ADCY2: variants seen among roughly 807,000 people sequenced by gnomAD.
ADCY2 encodes the protein adenylate cyclase 2, also known as adenylate cyclase type 2.
ADCY2 carries 31 observed loss-of-function variants against 125.2 expected under a neutral mutation model. That is an observed-to-expected ratio of 0.25 (90% CI 0.19 to 0.33). The LOEUF (loss-of-function observed/expected upper bound fraction) is 0.33. Ranked by LOEUF, ADCY2 falls within the 10% of genes least tolerant of loss-of-function variation. The pLI, the probability that ADCY2 is intolerant of heterozygous loss-of-function variation, is 1.00. For synonymous variants in ADCY2, 512 were observed against 548.4 expected (o/e 0.93, Z 0.93); for missense variants, 904 against 1,418.2 (o/e 0.64, Z 5.82).
intron 23 of ADCY2, among the ~76,000 whole-genome samples, chr5:7,819,737 A>C (rs326162): frequency 0.11 from 16,356 of 152,220 alleles, 2,514 homozygotes; most frequent in African/African-American, 0.34. Context: ...GGGATAGCAA[A>C]GTGGAAGAAT....
chr5:7,466,228 C>T (rs1216676340), intron 2 of ADCY2, among the ~76,000 whole-genome samples: 1 of 152,158 alleles, frequency 6.6e-6, no homozygotes, highest in Non-Finnish European at 1.5e-5. Context: ...GTAAAATCCT[C>T]AAGATATGCC....
intron 2 of ADCY2, among the ~76,000 whole-genome samples, chr5:7,496,677 T>A (rs1337739875): frequency 1.3e-5 from 2 of 152,138 alleles, no homozygotes; most frequent in South Asian, 2.1e-4. Flanking sequence ...ATTTTAGTCA[T>A]TTTTAGTATT....
chr5:7,617,390 C>T (rs1476458067), intron 3 of ADCY2, among the ~76,000 whole-genome samples: 2 of 152,226 alleles, frequency 1.3e-5, no homozygotes, highest in Admixed American at 6.5e-5. Context: ...CTAACTACAA[C>T]TTGGCCTTGG....
chr5:7,777,868 C>G (rs1005200912), intron 18 of ADCY2, among the ~76,000 whole-genome samples: 4 of 152,194 alleles, frequency 2.6e-5, no homozygotes, highest in Admixed American at 6.5e-5. Flanking sequence ...AAAAAGACCA[C>G]TCAGAGAGAG....
chr5:7,548,119 C>A lies in ADCY2; in HGVS notation c.570+27220C>A, dbSNP rs150532431. Among the ~76,000 whole-genome samples, 188 of 152,274 alleles carry A rather than the reference C, an allele frequency of 1.2e-3. 1 individual carries two copies. The highest frequency in any genetic ancestry group is 4.3e-3 in the African/African-American group (179 of 41,562). ...TGAGCGGCATTTGTGAAACTGTTTT[C>A]TTTTCTGTATAGGGCCGAATTAAAC... is the stretch of plus-strand genomic sequence containing the variant. On this transcript the variant is annotated intron_variant, in intron 3 of 24. Coordinates refer to ENST00000338316, the MANE Select transcript of ADCY2 (RefSeq NM_020546.3).
chr5:7,612,979 G>T (rs557100849), intron 3 of ADCY2, among the ~76,000 whole-genome samples: 1 of 152,206 alleles, frequency 6.6e-6, no homozygotes, highest in African/African-American at 2.4e-5. Flanking sequence ...TTGCACCACT[G>T]CACTCCAGTC....
At chr5:7,610,819 G>T (rs1371239824) in intron 3 of ADCY2, among the ~76,000 whole-genome samples, 1 of 152,180 alleles carries the variant, frequency 6.6e-6, no homozygotes, top group Non-Finnish European at 1.5e-5. Flanking sequence ...CATTGAAGTG[G>T]AGTTAAAAAG....
chr5:7,706,632 C>T (rs1285261102), intron 7 of ADCY2, 112 bp from the exon 8 acceptor site: 3 of 1,290,428 alleles, frequency 2.3e-6, no homozygotes, highest in Admixed American at 1.8e-5. Flanking sequence ...GGTTTATGGT[C>T]ATTTCCGACA....
At chr5:7,551,866 C>T (rs576998420) in intron 3 of ADCY2, among the ~76,000 whole-genome samples, 1 of 152,288 alleles carries the variant, frequency 6.6e-6, no homozygotes, top group African/African-American at 2.4e-5. Flanking sequence ...TCACAGATGC[C>T]TTTGAAAGCC....
intron 4 of ADCY2, among the ~76,000 whole-genome samples, chr5:7,682,329 C>A (rs115935385): frequency 0.02 from 3,005 of 152,278 alleles, 99 homozygotes; most frequent in African/African-American, 0.068. Flanking sequence ...AGTCAACAAC[C>A]TTGAATGCTG....
At chr5:7,638,049 G>C (rs1738568737) in intron 4 of ADCY2, among the ~76,000 whole-genome samples, 1 of 152,230 alleles carries the variant, frequency 6.6e-6, no homozygotes, top group Admixed American at 6.5e-5. Context: ...TTAAACGTGA[G>C]AAAGCAGCAA....
chr5:7,765,316 A>T (rs1416895685), intron 16 of ADCY2, among the ~76,000 whole-genome samples: 1 of 152,194 alleles, frequency 6.6e-6, no homozygotes, highest in African/African-American at 2.4e-5. Context: ...GGTCTATCAA[A>T]TCTAAATCTA....
At chr5:7,777,065 A>ATG (rs919294806) in intron 18 of ADCY2, among the ~76,000 whole-genome samples, 7 of 151,542 alleles carry the variant, frequency 4.6e-5, no homozygotes, top group African/African-American at 1.2e-4. Flanking sequence ...CTATATATAT[A>ATG]TATATACATC....
chr5:7,581,942 T>C (rs570109064), intron 3 of ADCY2, among the ~76,000 whole-genome samples: 30 of 152,240 alleles, frequency 2.0e-4, no homozygotes, highest in Non-Finnish European at 2.6e-4. Flanking sequence ...TGAATAATTA[T>C]GTTGAATGTG....
At chr5:7,546,410 G>T (rs1735148971) in intron 3 of ADCY2, among the ~76,000 whole-genome samples, 1 of 152,306 alleles carries the variant, frequency 6.6e-6, no homozygotes, top group East Asian at 1.9e-4. Flanking sequence ...CTGGTAATAA[G>T]ATCCCTACCT....
intron 4 of ADCY2, among the ~76,000 whole-genome samples, chr5:7,633,524 A>T (rs1282168967): frequency 2.6e-5 from 4 of 152,178 alleles, no homozygotes; most frequent in Non-Finnish European, 5.9e-5. Context: ...TTAAGCAGAG[A>T]TTCTTTTAAT....
At chr5:7,530,164 C>T (rs929485794) in intron 3 of ADCY2, among the ~76,000 whole-genome samples, 6 of 152,176 alleles carry the variant, frequency 3.9e-5, no homozygotes, top group Admixed American at 3.3e-4. Context: ...GATGTGATGA[C>T]CTCTAAAAAG....
chr5:7,798,611 G>A (rs1355840396), intron 20 of ADCY2: 4 of 125,038 alleles, frequency 3.2e-5, no homozygotes, highest in Non-Finnish European at 4.8e-5. Context: ...ACGGAGTCTT[G>A]CTCTGTCACC....
chr5:7,803,691 G>C (rs1744671199), intron 21 of ADCY2, among the ~76,000 whole-genome samples: 1 of 152,040 alleles, frequency 6.6e-6, no homozygotes, highest in Admixed American at 6.6e-5. Flanking sequence ...TTGAGCCCAG[G>C]AGTTTGAGAC....
Sources: gnomAD v4.1 joint callset for allele counts (sites outside exome capture counted in the v4.1 genomes callset) on GRCh38, gnomAD v4.1.1 for gene constraint, MANE v1.5 for transcripts, NCBI Gene and HGNC (gene_info 2026-07-23, HGNC 2026-07-21) for gene names.